GET3: variants seen among roughly 807,000 people sequenced by gnomAD.
GET3 encodes the protein ATPase GET3.
Under a neutral mutation model 32.4 loss-of-function variants are expected in GET3, and 15 were observed. The ratio of observed to expected loss-of-function variants is 0.46; its 90% CI spans 0.31 to 0.71. The LOEUF is 0.71. Among genes scored for constraint, GET3 ranks in the 30% least tolerant of loss-of-function variants. GET3 has a pLI of 0.05. For missense variants in GET3, 333 were observed against 459.0 expected (o/e 0.73, Z 2.51); for synonymous variants, 198 against 185.6 (o/e 1.07, Z -0.54).
Position 12,745,799 on chromosome 19 carries a change from C to G in GET3, c.609+40C>G, listed in dbSNP as rs534074567. On this transcript the variant is annotated intron_variant, in intron 4 of 6. Coordinates refer to ENST00000357332, the MANE Select transcript of GET3 (RefSeq NM_004317.4). The surrounding 1 kb of genome is among the most constrained non-coding windows in gnomAD (Gnocchi z 5.0). The stretch of plus-strand genomic sequence containing the variant: ...CCCCCACCTGCACCATCCAGGCAGC[C>G]GGGAGTGGGAGTAGGCCCGGGCCCC... 1.9e-6 allele frequency: 3 copies of G among 1,563,466 alleles called. No individual in the cohort carries two copies. The highest frequency in any genetic ancestry group is 3.7e-5 in the Admixed American group (2 of 54,012).
chr19:12,742,515 A>G (rs2145689209), intron 2 of GET3, among the ~76,000 whole-genome samples: 1 of 152,086 alleles, frequency 6.6e-6, no homozygotes, highest in East Asian at 1.9e-4. Context: ...CCCGATTTCA[A>G]GTGATTCTCC....
intron 2 of GET3, among the ~76,000 whole-genome samples, chr19:12,742,717 A>G (rs540143405): frequency 6.0e-4 from 90 of 150,578 alleles, no homozygotes; most frequent in African/African-American, 2.1e-3. Flanking sequence ...CCTGGCCTGT[A>G]TTTTTTTTTA....
intron 2 of GET3, 99 bp downstream of exon 2, chr19:12,738,757 AT>A: frequency 6.9e-7 from 1 of 1,446,980 alleles, no homozygotes; most frequent in African/African-American, 1.4e-5. Context: ...TCCACTCTAT[AT>A]CCTGTGTCTC....
At chr19:12,740,153 C>T (rs113644601) in intron 2 of GET3, among the ~76,000 whole-genome samples, 18 of 151,816 alleles carry the variant, frequency 1.2e-4, no homozygotes, top group Non-Finnish European at 1.6e-4. Context: ...GAGACCGAGG[C>T]GGGTGGATCA....
Position 12,747,849 on chromosome 19 carries a change from T to G in GET3, c.916-124T>G, listed in dbSNP as rs1967803621. ...AGCTCCCACTTATGACACCTTAAGC[T>G]CCTGCCCTATATTCTCTCCCTGACT... On this transcript the variant is annotated intron_variant, in intron 6 of 6. Transcript: ENST00000357332. The surrounding 1 kb of genome is among the most constrained non-coding windows in gnomAD (Gnocchi z 4.0). 3 of 1,114,924 alleles carry G rather than the reference T, an allele frequency of 2.7e-6. No individual in the cohort carries two copies. Among genetic ancestry groups the G allele is most frequent in the Non-Finnish European group, 3.9e-6 (3 of 774,642 alleles). 69.1% of individuals were successfully genotyped at this position (1,114,924 alleles called of 1,614,324 possible).
intron 2 of GET3, among the ~76,000 whole-genome samples, chr19:12,741,548 C>T (rs920378151): frequency 1.3e-4 from 19 of 151,244 alleles, no homozygotes; most frequent in Non-Finnish European, 2.1e-4. Flanking sequence ...CACCTGAGGT[C>T]GGGAGTTCGA....
chr19:12,745,886 C>G lies in GET3; in HGVS notation c.609+127C>G. 7.6e-7 allele frequency: 1 copy of G among 1,307,822 alleles called. No homozygotes were observed. The highest frequency in any genetic ancestry group is 1.0e-6 in the Non-Finnish European group (1 of 976,020). 81.0% of individuals were successfully genotyped at this position (1,307,822 alleles called of 1,614,324 possible). Reference sequence around the variant, plus strand: ...TCCCACCCCTTCTCACTCTGGACTTCTCCCTGGAGGGGATGGGACGGAGCT... The same window carrying G: ...TCCCACCCCTTCTCACTCTGGACTTGTCCCTGGAGGGGATGGGACGGAGCT... On this transcript the variant is annotated intron_variant, in intron 4 of 6. Transcript: ENST00000357332. The surrounding 1 kb of genome is among the most constrained non-coding windows in gnomAD (Gnocchi z 5.0).
At position 12,747,364 on chromosome 19, in the gene GET3, G is replaced by T; in HGVS notation, c.718-31G>T. 1 of 1,612,756 alleles carries T rather than the reference G, an allele frequency of 6.2e-7. No individual in the cohort carries two copies. The highest frequency in any genetic ancestry group is 1.3e-5 in the African/African-American group (1 of 74,970). ...GGGGCTGAGGACAGGGGCAGACCCC[G>T]CCCCTCACTGTCCTCTCTCGTGCCC... On this transcript the variant is annotated intron_variant, in intron 5 of 6. Coordinates refer to ENST00000357332, the MANE Select transcript of GET3 (RefSeq NM_004317.4). This position sits in a 1 kb window ranked among gnomAD's most constrained non-coding sequence, Gnocchi z 4.0.
At position 12,738,594 on chromosome 19, in the gene GET3, C is replaced by G; in HGVS notation, c.245C>G (p.Ala82Gly). 1 of 1,614,228 alleles carries G rather than the reference C, an allele frequency of 6.2e-7. No individual in the cohort carries two copies. The highest frequency in any genetic ancestry group is 8.5e-7 in the Non-Finnish European group (1 of 1,180,046). Residue 82 changes from alanine (A) to glycine (G), a missense_variant, in exon 2 of 7, where the codon GCT becomes GGT. Ala to Gly is a moderately conservative substitution (Grantham distance 60, BLOSUM62 0). Around this residue, in one of 3 missense-constraint regions of GET3, gnomAD observed 230 missense variants for 389.2 expected, o/e 0.59. Transcript: ENST00000357332. ...STDPAHNISD[A>G]FDQKFSKVPT... ...GACCCAGCACACAACATCTCAGATGCTTTTGACCAGAAGTTCTCAAAGGTG... is the reference window on the plus strand; with the variant it reads ...GACCCAGCACACAACATCTCAGATGGTTTTGACCAGAAGTTCTCAAAGGTG...
In GET3 at chr19:12,747,526, C is replaced by T. The variant is rs201892884; in HGVS notation, c.849C>T (p.Pro283=). The T allele has an allele frequency of 6.6e-5, 106 of 1,613,972 alleles. No individual in the cohort carries two copies. Among genetic ancestry groups the T allele is most frequent in the Admixed American group, 8.3e-5 (5 of 60,004 alleles). The part of the protein sequence containing the change: ...HNIIVNQLVF[P]DPEKPCKMCE... Reference sequence around the variant, plus strand: ...TAATTGTCAACCAGCTCGTCTTCCCCGACCCCGAGAAGCCCTGCAAGATGT... The same window carrying T: ...TAATTGTCAACCAGCTCGTCTTCCCTGACCCCGAGAAGCCCTGCAAGATGT... Residue 283 remains proline (P), a synonymous_variant, in exon 6 of 7, where the codon CCC becomes CCT. Transcript: ENST00000357332. The surrounding 1 kb of genome is among the most constrained non-coding windows in gnomAD (Gnocchi z 4.0).
chr19:12,738,146 C>T (rs8177466), intron 1 of GET3, among the ~76,000 whole-genome samples: 134 of 152,220 alleles, frequency 8.8e-4, no homozygotes, highest in African/African-American at 3.1e-3. Flanking sequence ...ACTGAACCAT[C>T]CTGTGCTTAC....
chr19:12,748,252 G>T lies in GET3; in HGVS notation c.*148G>T. On this transcript the variant is annotated 3_prime_UTR_variant, in exon 7 of 7. Transcript: ENST00000357332. Reference sequence around the variant, plus strand: ...GGGAGGGGTCCATTCCCCCTGGTGGGGCTGGTGGGGAGCTGTAGTTGCCCC... The same window carrying T: ...GGGAGGGGTCCATTCCCCCTGGTGGTGCTGGTGGGGAGCTGTAGTTGCCCC... The T allele has an allele frequency of 1.4e-6, 1 of 729,164 alleles. No individual in the cohort carries two copies. The allele number at this position is 729,164 out of a possible 1,614,324, so 45.2% of individuals were successfully genotyped here.
intron 2 of GET3, among the ~76,000 whole-genome samples, chr19:12,743,943 A>T (rs1322929882): frequency 4.9e-5 from 7 of 142,442 alleles, no homozygotes; most frequent in Admixed American, 4.3e-4. Context: ...GTTAGCCAGG[A>T]TGGTCTCGAT....
Position 12,741,905 on chromosome 19 carries a change from C to T in GET3, c.309+3247C>T, listed in dbSNP as rs559292436. Reference sequence around the variant, plus strand: ...CTGTACTCCAACCTGGATGACAGAGCGAGACTCCGTCTCCAAAAGGGTGAG... The same window carrying T: ...CTGTACTCCAACCTGGATGACAGAGTGAGACTCCGTCTCCAAAAGGGTGAG... On this transcript the variant is annotated intron_variant, in intron 2 of 6. Coordinates refer to ENST00000357332, the MANE Select transcript of GET3 (RefSeq NM_004317.4). Among the ~76,000 whole-genome samples the T allele has an allele frequency of 5.3e-5, 8 of 152,214 alleles. No homozygotes were observed. In the East Asian group the frequency reaches 7.7e-4, roughly 15 times the overall value.
At position 12,738,518 on chromosome 19, in the gene GET3, C is replaced by T. The variant is rs753783633; in HGVS notation, c.169C>T (p.Leu57=). The T allele has an allele frequency of 6.2e-6, 10 of 1,614,114 alleles. No homozygotes were observed. In the East Asian group the frequency reaches 1.8e-4, roughly 29 times the overall value. Residue 57 remains leucine (L), a synonymous_variant, in exon 2 of 7, where the codon CTG becomes TTG. Transcript: ENST00000357332. ...GVGKTTCSCS[L]AVQLSKGRES... is the part of the protein sequence containing the mutation. The stretch of plus-strand genomic sequence containing the variant: ...GACTTTTCCATTACTCAGCTGCAGC[C>T]TGGCAGTCCAGCTCTCCAAGGGGCG...
upstream of GET3, chr19:12,737,134 T>C (rs910616244): frequency 2.4e-5 from 4 of 169,806 alleles, no homozygotes. Context: ...GGGCATGGAC[T>C]GGGTGTTTGG....
rs115422054 is a variant in GET3 at position 12,744,302 on chromosome 19, A to G, written c.310-1075A>G. Among the ~76,000 whole-genome samples, 638 of 150,782 alleles carry G rather than the reference A, an allele frequency of 4.2e-3. 2 individuals carry two copies. Among genetic ancestry groups the G allele is most frequent in the African/African-American group, 0.015 (616 of 41,110 alleles). On this transcript the variant is annotated intron_variant, in intron 2 of 6. Coordinates refer to ENST00000357332, the MANE Select transcript of GET3 (RefSeq NM_004317.4). ...ATGGCCATCCCTTCATAGATTCTAC[A>G]TACATGTTTGTGTTTTGTTTTGTTG... is the stretch of plus-strand genomic sequence containing the variant.
Position 12,745,862 on chromosome 19 carries a change from C to T in GET3, c.609+103C>T. The T allele has an allele frequency of 7.1e-7, 1 of 1,410,644 alleles. No homozygotes were observed. The allele number at this position is 1,410,644 out of a possible 1,614,324, so 87.4% of individuals were successfully genotyped here. ...TGCGCACTAACAATTCCCTTTCCTT[C>T]CCACCCCTTCTCACTCTGGACTTCT... On this transcript the variant is annotated intron_variant, in intron 4 of 6. Coordinates refer to ENST00000357332, the MANE Select transcript of GET3 (RefSeq NM_004317.4). The surrounding 1 kb of genome is among the most constrained non-coding windows in gnomAD (Gnocchi z 5.0).
At chr19:12,739,753 C>T (rs1967631555) in intron 2 of GET3, among the ~76,000 whole-genome samples, 1 of 152,034 alleles carries the variant, frequency 6.6e-6, no homozygotes, top group Non-Finnish European at 1.5e-5. Flanking sequence ...GCATTTAAAG[C>T]TGTGTGAGGG....
Sources: allele counts gnomAD v4.1 joint callset (sites outside exome capture counted in the v4.1 genomes callset), GRCh38; gene constraint gnomAD v4.1.1; regional missense constraint gnomAD v4.1.1; non-coding constraint Gnocchi (gnomAD v3.1); transcripts MANE v1.5; gene names NCBI Gene and HGNC (gene_info 2026-07-23, HGNC 2026-07-21).